Variants in ABLIM3 observed in about 807,000 individuals in gnomAD.
The protein encoded by ABLIM3 is actin binding LIM protein family member 3.
Under a neutral mutation model 109.5 loss-of-function variants are expected in ABLIM3, and 61 were observed. That is an observed-to-expected ratio of 0.56 (90% CI 0.45 to 0.69). The LOEUF is 0.69. Among genes scored for constraint, ABLIM3 ranks in the 30% least tolerant of loss-of-function variants. The pLI, the probability that ABLIM3 is intolerant of heterozygous loss-of-function variation, is 0.00. For missense variants in ABLIM3, 796 were observed against 889.5 expected (o/e 0.89, Z 1.34); for synonymous variants, 300 against 324.8 (o/e 0.92, Z 0.82).
intron 10 of ABLIM3, among the ~76,000 whole-genome samples, chr5:149,233,752 T>A (rs186809038): frequency 6.6e-6 from 1 of 152,118 alleles, no homozygotes; most frequent in Admixed American, 6.5e-5. Context: ...CACATACACA[T>A]GTGGAAACAT....
At chr5:149,252,329 G>T in intron 22 of ABLIM3, 121 bp downstream of exon 22, 1 of 1,179,124 alleles carries the variant, frequency 8.5e-7, no homozygotes. Flanking sequence ...ATAACCCCAG[G>T]GGTCCTTTCA....
At chr5:149,211,905 C>G (rs1393817731) in intron 7 of ABLIM3, among the ~76,000 whole-genome samples, 1 of 151,616 alleles carries the variant, frequency 6.6e-6, no homozygotes, top group East Asian at 2.0e-4. Flanking sequence ...GAATTTTTCT[C>G]AACACAAGCA....
intron 16 of ABLIM3, among the ~76,000 whole-genome samples, chr5:149,246,156 G>A (rs1326431443): frequency 6.6e-6 from 1 of 152,048 alleles, no homozygotes; most frequent in Non-Finnish European, 1.5e-5. Flanking sequence ...GTGAGCCCCT[G>A]TCTCAAAAAT....
intron 6 of ABLIM3, among the ~76,000 whole-genome samples, chr5:149,209,203 T>C (rs1759302647): frequency 6.6e-6 from 1 of 152,056 alleles, no homozygotes; most frequent in Non-Finnish European, 1.5e-5. Context: ...TAAATCAGAG[T>C]TCTCTAGGGA....
intron 8 of ABLIM3, among the ~76,000 whole-genome samples, chr5:149,221,976 C>T (rs562188559): frequency 6.4e-4 from 97 of 152,134 alleles, no homozygotes; most frequent in Admixed American, 3.1e-3. Flanking sequence ...TAAAACAATT[C>T]GCTGTTATCA....
At chr5:149,155,859 T>C (rs1216279503) in intron 2 of ABLIM3, among the ~76,000 whole-genome samples, 1 of 152,210 alleles carries the variant, frequency 6.6e-6, no homozygotes, top group African/African-American at 2.4e-5. Context: ...GATGCCACGC[T>C]AAACAGTATT....
At chr5:149,207,928 A>T (rs1759158406) in intron 6 of ABLIM3, among the ~76,000 whole-genome samples, 1 of 152,210 alleles carries the variant, frequency 6.6e-6, no homozygotes, top group African/African-American at 2.4e-5. Context: ...CAAGTACCTA[A>T]AAGTAATTAT....
chr5:149,225,330 C>A (rs1213104525), intron 8 of ABLIM3, among the ~76,000 whole-genome samples: 4 of 152,164 alleles, frequency 2.6e-5, no homozygotes, highest in Non-Finnish European at 5.9e-5. Context: ...TGTCCCCGAA[C>A]CCCTGGCAGT....
chr5:149,184,996 G>A (rs1756815860), intron 3 of ABLIM3, among the ~76,000 whole-genome samples: 2 of 152,070 alleles, frequency 1.3e-5, no homozygotes, highest in African/African-American at 2.4e-5. Context: ...AGAATATCTT[G>A]GTGAGTGATT....
Position 149,259,772 on chromosome 5 carries a change from G to T in ABLIM3, c.*1368G>T. On this transcript the variant is annotated 3_prime_UTR_variant, in exon 24 of 24. Coordinates refer to ENST00000309868, the MANE Select transcript of ABLIM3 (RefSeq NM_014945.5). ...GAAGCCTTGAGTCGGACCATTTTGA[G>T]ATCATGGAGGAAGGATGAAGAAGTG... 1.6e-6 allele frequency: 1 copy of T among 624,452 alleles called. No individual in the cohort carries two copies. The highest frequency in any genetic ancestry group is 2.8e-6 in the Non-Finnish European group (1 of 359,254). The allele number at this position is 624,452 out of a possible 1,614,324, so 38.7% of individuals were successfully genotyped here. A position where few individuals can be genotyped will look rare whatever the true frequency, so the allele number is the denominator to read the frequency against.
chr5:149,216,629 C>T (rs1263965819), intron 7 of ABLIM3: 2 of 273,744 alleles, frequency 7.3e-6, no homozygotes, highest in Non-Finnish European at 1.4e-5. Flanking sequence ...TGGGGAAATG[C>T]TGGGATGTCC....
At chr5:149,189,903 A>G (rs982575304) in intron 3 of ABLIM3, among the ~76,000 whole-genome samples, 1 of 152,250 alleles carries the variant, frequency 6.6e-6, no homozygotes, top group Non-Finnish European at 1.5e-5. Flanking sequence ...TCACACAGAA[A>G]TATATACATG....
chr5:149,175,503 T>A (rs564153203), intron 2 of ABLIM3, among the ~76,000 whole-genome samples: 18 of 152,048 alleles, frequency 1.2e-4, no homozygotes, highest in Admixed American at 1.0e-3. Flanking sequence ...GGGAGGAGAA[T>A]CTTGGGGAAA....
intron 23 of ABLIM3, among the ~76,000 whole-genome samples, chr5:149,257,930 C>T (rs188699590): frequency 6.6e-6 from 1 of 152,102 alleles, no homozygotes; most frequent in Non-Finnish European, 1.5e-5. Flanking sequence ...AGTGGGATAA[C>T]ATGAATCCAC....
rs187454003 is a variant in ABLIM3 at position 149,162,689 on chromosome 5, A to G, written c.13+20581A>G. On this transcript the variant is annotated intron_variant, in intron 2 of 23. Transcript: ENST00000309868. The stretch of plus-strand genomic sequence containing the variant: ...GTCACCAGGATTCATCAGTATCTAG[A>G]TTGGGAAGAACATCCTGTGTGCCCC... Among the ~76,000 whole-genome samples, 21 of 152,220 alleles carry G rather than the reference A, an allele frequency of 1.4e-4. No individual in the cohort carries two copies. In the East Asian group the frequency reaches 3.7e-3, roughly 27 times the overall value.
At chr5:149,149,988 T>A (rs957882079) in intron 2 of ABLIM3, among the ~76,000 whole-genome samples, 1 of 152,138 alleles carries the variant, frequency 6.6e-6, no homozygotes, top group Non-Finnish European at 1.5e-5. Flanking sequence ...GCCAGCCTAG[T>A]TCCAAGGAAA....
At position 149,198,353 on chromosome 5, in the gene ABLIM3, GCCC is replaced by G; in HGVS notation, c.287_289del (p.Ala96_Leu97delinsVal). On this transcript the variant is annotated inframe_deletion, in exon 4 of 24. Coordinates refer to ENST00000309868, the MANE Select transcript of ABLIM3 (RefSeq NM_014945.5). This position sits in a 1 kb window ranked among gnomAD's most constrained non-coding sequence, Gnocchi z 4.2. Reference sequence around the variant, plus strand: ...CTTCATCACAGGCGAAGTCATCTCGGCCCTGGGCCGCACTTACCACCCCAAGTG... The same window carrying G: ...CTTCATCACAGGCGAAGTCATCTCGGTGGGCCGCACTTACCACCCCAAGTG... 1 of 1,613,994 alleles carries G rather than the reference GCCC, an allele frequency of 6.2e-7. No homozygotes were observed. Among genetic ancestry groups the G allele is most frequent in the Admixed American group, 1.7e-5 (1 of 60,004 alleles).
intron 7 of ABLIM3, among the ~76,000 whole-genome samples, chr5:149,215,204 A>G (rs947535048): frequency 6.6e-6 from 1 of 152,216 alleles, no homozygotes. Flanking sequence ...TCAAAATGAT[A>G]AAGAGACACA....
At chr5:149,152,096 T>A (rs1245925054) in intron 2 of ABLIM3, among the ~76,000 whole-genome samples, 1 of 152,170 alleles carries the variant, frequency 6.6e-6, no homozygotes, top group Non-Finnish European at 1.5e-5. Context: ...CTGGCTCTCT[T>A]AAAAACAAAA....
Sources: allele counts gnomAD v4.1 joint callset (sites outside exome capture counted in the v4.1 genomes callset), GRCh38; gene constraint gnomAD v4.1.1; non-coding constraint Gnocchi (gnomAD v3.1); transcripts MANE v1.5; gene names NCBI Gene and HGNC (gene_info 2026-07-23, HGNC 2026-07-21).